LHPP: variants seen among roughly 807,000 people sequenced by gnomAD.
LHPP encodes the protein hLHPP.
Under a neutral mutation model 30.3 loss-of-function variants are expected in LHPP, and 24 were observed. That is an observed-to-expected ratio of 0.79 (90% CI 0.57 to 1.11). The LOEUF (loss-of-function observed/expected upper bound fraction) is 1.11. Ranked by LOEUF, LHPP falls within the 50% of genes most tolerant of loss-of-function variation. The pLI is 0.00. For missense variants in LHPP, 356 were observed against 367.2 expected (o/e 0.97, Z 0.25); for synonymous variants, 150 against 157.1 (o/e 0.95, Z 0.34).
At chr10:124,529,125 G>A (rs918298094) in intron 6 of LHPP, among the ~76,000 whole-genome samples, 26 of 144,860 alleles carry the variant, frequency 1.8e-4, no homozygotes, top group South Asian at 1.6e-3. Flanking sequence ...TCCGCCTCCC[G>A]GGTTCATGCC....
intron 6 of LHPP, among the ~76,000 whole-genome samples, chr10:124,607,168 C>A (rs192504605): frequency 1.7e-4 from 26 of 152,300 alleles, no homozygotes; most frequent in Middle Eastern, 3.4e-3. Context: ...CGAGGACACA[C>A]CTTTGCTGGG....
chr10:124,548,042 G>A (rs760726869), intron 6 of LHPP, among the ~76,000 whole-genome samples: 9 of 152,202 alleles, frequency 5.9e-5, no homozygotes, highest in East Asian at 5.8e-4. Flanking sequence ...CGAGTTCTCC[G>A]GTCAGCAAGC....
intron 6 of LHPP, among the ~76,000 whole-genome samples, chr10:124,521,204 A>G (rs1234208620): frequency 4.6e-5 from 7 of 152,134 alleles, no homozygotes; most frequent in African/African-American, 7.2e-5. Flanking sequence ...GGTGCTCCCT[A>G]TGGATGTGTG....
At chr10:124,471,546 TTA>T (rs1250228464) in intron 1 of LHPP, among the ~76,000 whole-genome samples, 1 of 49,176 alleles carries the variant, frequency 2.0e-5, no homozygotes, top group African/African-American at 7.1e-5. Flanking sequence ...TATATATATT[TTA>T]TATATATTTA....
At chr10:124,591,336 T>A (rs1948880363) in intron 6 of LHPP, among the ~76,000 whole-genome samples, 1 of 152,040 alleles carries the variant, frequency 6.6e-6, no homozygotes, top group Non-Finnish European at 1.5e-5. Context: ...GCAGGCCTGG[T>A]GCTGGAGGAC....
chr10:124,509,377 A>G (rs773841761), intron 5 of LHPP, among the ~76,000 whole-genome samples: 13 of 152,152 alleles, frequency 8.5e-5, no homozygotes, highest in Non-Finnish European at 1.8e-4. Flanking sequence ...CCTGATGAAC[A>G]CATCTTGTAT....
intron 5 of LHPP, among the ~76,000 whole-genome samples, chr10:124,516,138 C>CT (rs1168253573): frequency 1.3e-5 from 2 of 152,216 alleles, no homozygotes; most frequent in African/African-American, 2.4e-5. Context: ...ACAGCAGAAA[C>CT]TTTTTTTCTC....
At position 124,613,593 on chromosome 10, in the gene LHPP, G is replaced by A; in HGVS notation, c.*233G>A. 1.7e-6 allele frequency: 1 copy of A among 579,262 alleles called. No individual in the cohort carries two copies. The highest frequency in any genetic ancestry group is 3.1e-6 in the Non-Finnish European group (1 of 322,132). The allele number at this position is 579,262 out of a possible 1,614,324, so 35.9% of individuals were successfully genotyped here. ...GGGCAGGCATTTGTTCCCTACCTGGGTGGCCTGCTCCCCTGCCTGGGCCCT... is the reference window on the plus strand; with the variant it reads ...GGGCAGGCATTTGTTCCCTACCTGGATGGCCTGCTCCCCTGCCTGGGCCCT... On this transcript the variant is annotated 3_prime_UTR_variant, in exon 7 of 7. Coordinates refer to ENST00000368842, the MANE Select transcript of LHPP (RefSeq NM_022126.4).
chr10:124,491,353 G>A (rs1054420319), intron 3 of LHPP, among the ~76,000 whole-genome samples: 12 of 152,206 alleles, frequency 7.9e-5, no homozygotes, highest in African/African-American at 1.9e-4. Context: ...ACCAGCTGAT[G>A]GAACCGACAG....
intron 6 of LHPP, among the ~76,000 whole-genome samples, chr10:124,544,280 G>A (rs756347269): frequency 5.9e-5 from 9 of 152,258 alleles, no homozygotes; most frequent in Middle Eastern, 3.2e-3. Context: ...GGAATGGAGC[G>A]GAAGACCTCC....
At chr10:124,470,395 G>A (rs768231505) in intron 1 of LHPP, among the ~76,000 whole-genome samples, 2 of 152,008 alleles carry the variant, frequency 1.3e-5, no homozygotes, top group Non-Finnish European at 2.9e-5. Flanking sequence ...CCGATCGATC[G>A]GCCTGGTGCT....
At chr10:124,569,048 G>T (rs1037584262) in intron 6 of LHPP, among the ~76,000 whole-genome samples, 2 of 152,220 alleles carry the variant, frequency 1.3e-5, no homozygotes, top group Non-Finnish European at 2.9e-5. Context: ...GGTAATGGGG[G>T]TGAGGGGTAA....
In LHPP at chr10:124,533,349, TG is replaced by T. The variant is rs546695975; in HGVS notation, c.716+16083del. 1.2e-4 allele frequency among the ~76,000 whole-genome samples: 18 copies of T among 152,304 alleles called. No individual in the cohort carries two copies. The East Asian group carries it at 3.3e-3, about 28-fold the overall frequency. The stretch of plus-strand genomic sequence containing the variant: ...TTCCTGCCTTCACTTTGTGCAGAGT[TG>T]GGGGCGGCAGGGGCGTGGGGGGTTG... On this transcript the variant is annotated intron_variant, in intron 6 of 6. Coordinates refer to ENST00000368842, the MANE Select transcript of LHPP (RefSeq NM_022126.4).
chr10:124,488,388 C>G (rs1953405031), intron 2 of LHPP, 34 bp from the exon 3 acceptor site: 2 of 1,610,348 alleles, frequency 1.2e-6, no homozygotes, highest in Non-Finnish European at 1.7e-6. Context: ...CCTCCCAGGG[C>G]TCCGTGGCAC....
intron 6 of LHPP, among the ~76,000 whole-genome samples, chr10:124,567,335 C>T (rs1198646355): frequency 2.0e-5 from 3 of 152,238 alleles, no homozygotes; most frequent in African/African-American, 7.2e-5. Flanking sequence ...AGCGAGTGCA[C>T]GCCCGGGCCG....
rs116899404 is a variant in LHPP, at chr10:124,596,545, G to A, written c.717-16719G>A. On this transcript the variant is annotated intron_variant, in intron 6 of 6. Coordinates refer to ENST00000368842, the MANE Select transcript of LHPP (RefSeq NM_022126.4). The surrounding 1 kb of genome is among the most constrained non-coding windows in gnomAD (Gnocchi z 4.6). ...TGGGCCGGCGCTCATAAGCAGTCCC[G>A]TGTGAATCCTTGGAGAGCTGTGGAG... 5.3e-5 allele frequency among the ~76,000 whole-genome samples: 8 copies of A among 152,270 alleles called. No homozygotes were observed. In the East Asian group the frequency reaches 5.8e-4, roughly 11 times the overall value.
At chr10:124,566,181 T>C (rs1450307772) in intron 6 of LHPP, among the ~76,000 whole-genome samples, 1 of 152,212 alleles carries the variant, frequency 6.6e-6, no homozygotes, top group Non-Finnish European at 1.5e-5. Flanking sequence ...TTACTTGAAG[T>C]GGGCCAGGTC....
intron 1 of LHPP, among the ~76,000 whole-genome samples, chr10:124,472,721 C>A (rs1337081777): frequency 6.6e-6 from 1 of 152,078 alleles, no homozygotes; most frequent in Non-Finnish European, 1.5e-5. Flanking sequence ...CCACGTCTGG[C>A]TAACTTTTGT....
rs1196130047 is a variant in LHPP, at chr10:124,484,376, C to T, written c.313+50C>T. On this transcript the variant is annotated intron_variant, in intron 2 of 6. Coordinates refer to ENST00000368842, the MANE Select transcript of LHPP (RefSeq NM_022126.4). The stretch of plus-strand genomic sequence containing the variant: ...TCACGGGGGTGAAAGCTCCCCTTTC[C>T]CAGGGTGGGGGCTGTGCAGAGAGCC... 4.5e-6 allele frequency: 7 copies of T among 1,548,278 alleles called. No homozygotes were observed. In the Admixed American group the frequency reaches 1.2e-4, roughly 26 times the overall value.
Sources: gnomAD v4.1 joint callset for allele counts (sites outside exome capture counted in the v4.1 genomes callset) on GRCh38, gnomAD v4.1.1 for gene constraint, Gnocchi (gnomAD v3.1) non-coding constraint, MANE v1.5 for transcripts, NCBI Gene and HGNC (gene_info 2026-07-23, HGNC 2026-07-21) for gene names.